The following OSBPL8 variants were observed in gnomAD, a reference collection of about 807,000 sequenced individuals.
OSBPL8 encodes oxysterol-binding protein-related protein 8.
A neutral mutation model predicts 125.5 loss-of-function variants in OSBPL8; 59 were observed. The ratio of observed to expected loss-of-function variants is 0.47; its 90% CI spans 0.38 to 0.58. The LOEUF (loss-of-function observed/expected upper bound fraction) is 0.58, where lower values mean the gene tolerates loss of function less well. OSBPL8 is among the 20% of genes least tolerant of loss of function. OSBPL8 has a pLI of 0.00. For synonymous variants in OSBPL8, 330 were observed against 338.9 expected, an observed-to-expected ratio of 0.97 and a Z score of 0.29; for missense variants, 758 against 1,047.8, an observed-to-expected ratio of 0.72 and a Z score of 3.82.
At chr12:76,408,280 T>G (rs113962332) in intron 5 of OSBPL8, among the ~76,000 whole-genome samples, 1 of 149,952 alleles carries the variant, frequency 6.7e-6, no homozygotes, top group African/African-American at 2.5e-5. Context: ...GCTAACACGG[T>G]GAAACCCTGT....
chr12:76,487,140 G>A (rs549466419), intron 2 of OSBPL8, among the ~76,000 whole-genome samples: 1 of 145,490 alleles, frequency 6.9e-6, no homozygotes, highest in Non-Finnish European at 1.5e-5. Flanking sequence ...AGCAATTCTC[G>A]TGCCTCAGCC....
intron 5 of OSBPL8, among the ~76,000 whole-genome samples, chr12:76,406,719 G>A (rs1313621757): frequency 6.6e-6 from 1 of 152,022 alleles, no homozygotes; most frequent in Admixed American, 6.5e-5. Flanking sequence ...GGGCTCAAGT[G>A]ATCCTCCCAC....
Position 76,510,365 on chromosome 12 carries a change from A to G in OSBPL8, c.-67-22747T>C, listed in dbSNP as rs1371958103. ...ACTTATGTAGAGTCCAGGCAAAACTATATCATCAGCATTTTGCCCCGAGGA... is the reference window on the plus strand; with the variant it reads ...ACTTATGTAGAGTCCAGGCAAAACTGTATCATCAGCATTTTGCCCCGAGGA... On this transcript the variant is annotated intron_variant, in intron 1 of 23. Coordinates refer to ENST00000261183, the MANE Select transcript of OSBPL8 (RefSeq NM_020841.5). Among the ~76,000 whole-genome samples, 6 of 152,340 alleles carry G rather than the reference A, an allele frequency of 3.9e-5. No individual in the cohort carries two copies. In the East Asian group the frequency reaches 9.6e-4, roughly 24 times the overall value.
intron 6 of OSBPL8, among the ~76,000 whole-genome samples, chr12:76,402,232 T>C (rs1954078533): frequency 6.6e-6 from 1 of 152,166 alleles, no homozygotes; most frequent in Non-Finnish European, 1.5e-5. Flanking sequence ...GTAAGCCCAG[T>C]GCTACATATT....
Position 76,468,291 on chromosome 12 carries a change from A to G in OSBPL8, c.43-8396T>C, listed in dbSNP as rs541122722. 3.9e-4 allele frequency among the ~76,000 whole-genome samples: 59 copies of G among 152,278 alleles called. 1 individual carries two copies. In the South Asian group the frequency reaches 0.011, roughly 28 times the overall value. ...ACACTGATAGTTAAAATATTTTACA[A>G]TTTGGCCCAATTATCCATCCCACAG... is the stretch of plus-strand genomic sequence containing the variant. On this transcript the variant is annotated intron_variant, in intron 2 of 23. Coordinates refer to ENST00000261183, the MANE Select transcript of OSBPL8 (RefSeq NM_020841.5).
chr12:76,358,883 C>T lies in OSBPL8; in HGVS notation c.2329-72G>A. ...CTAAAGACCAACTGTGTACAATTGT[C>T]AAAATTATCTGCACATAGGCATGAT... On this transcript the variant is annotated intron_variant, in intron 21 of 23. Coordinates refer to ENST00000261183, the MANE Select transcript of OSBPL8 (RefSeq NM_020841.5). 3.6e-6 allele frequency: 4 copies of T among 1,110,108 alleles called. No homozygotes were observed. In the South Asian group the frequency reaches 3.8e-5, roughly 11 times the overall value. 68.8% of individuals were successfully genotyped at this position (1,110,108 alleles called of 1,614,324 possible). A position where few individuals can be genotyped will look rare whatever the true frequency, so the allele number is the denominator to read the frequency against.
intron 5 of OSBPL8, 100 bp from the exon 6 acceptor site, chr12:76,402,866 G>T: frequency 1.3e-6 from 1 of 782,556 alleles, no homozygotes; most frequent in South Asian, 1.7e-5. Context: ...CTCATTTATT[G>T]CTATGATTTA....
At chr12:76,360,479 C>A (rs1424095639) in intron 21 of OSBPL8, among the ~76,000 whole-genome samples, 2 of 152,176 alleles carry the variant, frequency 1.3e-5, no homozygotes, top group Non-Finnish European at 2.9e-5. Context: ...GTGCACAGTG[C>A]AAGCTGTTGG....
chr12:76,368,225 T>C (rs1470756772), intron 21 of OSBPL8, among the ~76,000 whole-genome samples: 4 of 152,212 alleles, frequency 2.6e-5, no homozygotes, highest in African/African-American at 9.7e-5. Flanking sequence ...CCACTTTAAA[T>C]ATGTCATCTC....
intron 4 of OSBPL8, among the ~76,000 whole-genome samples, chr12:76,442,855 C>G (rs1872346622): frequency 6.6e-6 from 1 of 152,126 alleles, no homozygotes; most frequent in Admixed American, 6.5e-5. Flanking sequence ...GAGATTATAC[C>G]AGTAATGTGT....
chr12:76,431,274 A>G (rs1421872796), intron 4 of OSBPL8, among the ~76,000 whole-genome samples: 3 of 151,082 alleles, frequency 2.0e-5, no homozygotes, highest in East Asian at 3.9e-4. Flanking sequence ...GAGAAAGGAA[A>G]GCACACCACT....
chr12:76,439,294 G>T (rs180927156), intron 4 of OSBPL8, among the ~76,000 whole-genome samples: 40 of 152,100 alleles, frequency 2.6e-4, no homozygotes, highest in Admixed American at 2.6e-3. Flanking sequence ...CTGGAGAATC[G>T]CTTGAACCCA....
chr12:76,389,882 T>C (rs1284245580), intron 11 of OSBPL8, 53 bp from the exon 12 acceptor site: 5 of 1,340,848 alleles, frequency 3.7e-6, no homozygotes, highest in African/African-American at 3.0e-5. Flanking sequence ...CAGACAGATA[T>C]GTAAACAAGC....
At chr12:76,480,961 T>C (rs1262441440) in intron 2 of OSBPL8, among the ~76,000 whole-genome samples, 1 of 152,078 alleles carries the variant, frequency 6.6e-6, no homozygotes, top group Non-Finnish European at 1.5e-5. Flanking sequence ...CTGAGCTCAA[T>C]GTAGTCATAA....
rs778127697 is a variant in OSBPL8 at position 76,552,658 on chromosome 12, T to C, written c.-68+6739A>G. On this transcript the variant is annotated intron_variant, in intron 1 of 23. Coordinates refer to ENST00000261183, the MANE Select transcript of OSBPL8 (RefSeq NM_020841.5). ...TCTCTTTCAGACCATGTAAGAACCA[T>C]GGAAAACTCACAGAGTGCTATCTCT... Among the ~76,000 whole-genome samples the C allele has an allele frequency of 2.0e-4, 30 of 152,086 alleles. 1 individual carries two copies. The highest frequency in any genetic ancestry group is 7.4e-5 in the Non-Finnish European group (5 of 68,024).
At chr12:76,520,378 C>G (rs1238411186) in intron 1 of OSBPL8, among the ~76,000 whole-genome samples, 1 of 152,154 alleles carries the variant, frequency 6.6e-6, no homozygotes, top group Non-Finnish European at 1.5e-5. Flanking sequence ...TGCCTCCCCC[C>G]ATTAGATCCA....
intron 4 of OSBPL8, among the ~76,000 whole-genome samples, chr12:76,420,161 C>A (rs1238975318): frequency 6.6e-6 from 1 of 151,936 alleles, no homozygotes; most frequent in Non-Finnish European, 1.5e-5. Context: ...ATAAACAAAT[C>A]TACAAATAAA....
chr12:76,373,765 G>A (rs956087548), intron 17 of OSBPL8, among the ~76,000 whole-genome samples: 5 of 151,888 alleles, frequency 3.3e-5, no homozygotes, highest in South Asian at 2.1e-4. Context: ...TCAATGTGAC[G>A]TTATCTTAAG....
intron 2 of OSBPL8, among the ~76,000 whole-genome samples, chr12:76,469,601 A>G (rs901183231): frequency 2.0e-5 from 3 of 152,182 alleles, no homozygotes; most frequent in African/African-American, 7.2e-5. Context: ...TTTTGCCTAG[A>G]AAACTTCCTT....
Sources: gnomAD v4.1 joint callset for allele counts (sites outside exome capture counted in the v4.1 genomes callset) on GRCh38, gnomAD v4.1.1 for gene constraint, MANE v1.5 for transcripts, NCBI Gene and HGNC (gene_info 2026-07-23, HGNC 2026-07-21) for gene names.